Variants in HCLS1 observed in about 807,000 individuals in gnomAD.
HCLS1 encodes hematopoietic lineage cell-specific protein.
Under a neutral mutation model 68.6 loss-of-function variants are expected in HCLS1, and 44 were observed. That is an observed-to-expected ratio of 0.64 (90% CI 0.50 to 0.82). The LOEUF (loss-of-function observed/expected upper bound fraction) is 0.82. Ranked by LOEUF, HCLS1 falls within the 40% of genes least tolerant of loss-of-function variation. The pLI is 0.00. For synonymous variants in HCLS1, 217 were observed against 225.8 expected (o/e 0.96, Z 0.35); for missense variants, 602 against 612.1 (o/e 0.98, Z 0.17).
At chr3:121,637,888 A>T (rs1314587690) in intron 6 of HCLS1, among the ~76,000 whole-genome samples, 1 of 151,756 alleles carries the variant, frequency 6.6e-6, no homozygotes, top group Non-Finnish European at 1.5e-5. Context: ...GTGAGCCAAG[A>T]TTGCACCATT....
chr3:121,637,700 C>G (rs755455142), intron 6 of HCLS1, among the ~76,000 whole-genome samples: 6 of 152,062 alleles, frequency 3.9e-5, no homozygotes, highest in Non-Finnish European at 7.4e-5. Context: ...CTTCAGGGGC[C>G]GAGGCAGGTG....
In HCLS1 at chr3:121,632,334, G is replaced by A. The variant is rs2108855211; in HGVS notation, c.1238C>T (p.Ala413Val). 1.2e-6 allele frequency: 2 copies of A among 1,613,892 alleles called. No individual in the cohort carries two copies. The highest frequency in any genetic ancestry group is 1.7e-6 in the Non-Finnish European group (2 of 1,179,856). The part of the protein sequence containing the change: ...PEDSSFSSAL[A>V]GSSGCPAGAG... ...CTGCTTCTCCTCCCATCACTCACCAGCCAGAGCAGAAGAAAAAGAAGAATC... is the reference window on the plus strand; with the variant it reads ...CTGCTTCTCCTCCCATCACTCACCAACCAGAGCAGAAGAAAAAGAAGAATC... The change falls in exon 12 of 14, where the codon GCT (alanine) becomes GTT (valine). Residue 413 changes from alanine to valine, a missense_variant and splice_region_variant. By Grantham distance (64) the Ala-to-Val change is moderately conservative. Transcript: ENST00000314583.
At chr3:121,648,130 C>A (rs910103194) in intron 3 of HCLS1, among the ~76,000 whole-genome samples, 1 of 152,066 alleles carries the variant, frequency 6.6e-6, no homozygotes, top group African/African-American at 2.4e-5. Flanking sequence ...GCTTTTTGGT[C>A]ATGAATTAAG....
chr3:121,635,658 G>A, intron 9 of HCLS1, 77 bp downstream of exon 9: 1 of 1,120,966 alleles, frequency 8.9e-7, no homozygotes, highest in Non-Finnish European at 1.4e-6. Flanking sequence ...TAAAGGCATG[G>A]AGGATATAGT....
chr3:121,646,415 TA>T (rs200350490), intron 4 of HCLS1, among the ~76,000 whole-genome samples: 7,448 of 98,090 alleles, frequency 0.076, 505 homozygotes, highest in Admixed American at 0.25. Context: ...TACATAGTAA[TA>T]ATATGTAATA....
At position 121,642,092 on chromosome 3, in the gene HCLS1, A is replaced by C. The variant is rs529390721; in HGVS notation, c.454+835T>G. ...CAGACTCCGTCGCAAAAAAAAAAAA[A>C]AAAAAACTTGATCAATATTATAGAA... On this transcript the variant is annotated intron_variant, in intron 6 of 13. Transcript: ENST00000314583. 3.3e-3 allele frequency among the ~76,000 whole-genome samples: 499 copies of C among 151,018 alleles called. 4 individuals are homozygous for C. Among genetic ancestry groups the C allele is most frequent in the African/African-American group, 0.012 (479 of 41,148 alleles).
At chr3:121,632,250 C>A in intron 12 of HCLS1, 66 bp from the exon 13 acceptor site, 1 of 1,603,152 alleles carries the variant, frequency 6.2e-7, no homozygotes, top group East Asian at 2.2e-5. Flanking sequence ...AAAGATCCTA[C>A]TGGGGCAATA....
At chr3:121,647,037 A>G (rs973683806) in intron 4 of HCLS1, among the ~76,000 whole-genome samples, 2 of 146,188 alleles carry the variant, frequency 1.4e-5, no homozygotes, top group African/African-American at 5.1e-5. Context: ...GCTGGAGTGC[A>G]GTGGCATGAT....
Position 121,643,027 on chromosome 3 carries a change from G to A in HCLS1, c.400-46C>T, listed in dbSNP as rs370193754. The A allele has an allele frequency of 1.0e-4, 156 of 1,535,288 alleles. No homozygotes were observed. In the Middle Eastern group the frequency reaches 1.0e-3, roughly 10 times the overall value. On this transcript the variant is annotated intron_variant, in intron 5 of 13. Transcript: ENST00000314583. ...AATTGGTTAGAGTCAGAGCTGACAG[G>A]TTTTCCTCTTCCTAACCTCCCCTTA...
chr3:121,643,053 C>A (rs1012197447), intron 5 of HCLS1, 72 bp from the exon 6 acceptor site: 3 of 1,233,958 alleles, frequency 2.4e-6, no homozygotes, highest in African/African-American at 1.5e-5. Flanking sequence ...CCTCCCCTTA[C>A]TCCCAGCCAG....
chr3:121,643,182 T>C (rs973891821), intron 5 of HCLS1: 1 of 484,594 alleles, frequency 2.1e-6, no homozygotes, highest in African/African-American at 1.9e-5. Flanking sequence ...CAGACAGTTT[T>C]AGGTTCAAAC....
chr3:121,631,548 G>C lies in HCLS1; in HGVS notation c.*298C>G. 3.0e-6 allele frequency: 1 copy of C among 328,648 alleles called. No individual in the cohort carries two copies. Among genetic ancestry groups the C allele is most frequent in the Non-Finnish European group, 5.6e-6 (1 of 178,082 alleles). 20.4% of individuals were successfully genotyped at this position (328,648 alleles called of 1,614,324 possible). ...GTACTTTCCCGGGTAAACAAACTGG[G>C]AAGCCCAGAGCTCACAGAGGAGGAG... On this transcript the variant is annotated 3_prime_UTR_variant, in exon 14 of 14. Transcript: ENST00000314583.
chr3:121,635,274 T>TCTCTCC (rs2049140298), intron 9 of HCLS1, among the ~76,000 whole-genome samples: 1 of 112,894 alleles, frequency 8.9e-6, no homozygotes, highest in South Asian at 3.3e-4. Context: ...TCTCTCTCTC[T>TCTCTCC]CCTCTCTCTC....
At chr3:121,655,902 G>A (rs1937856012) in intron 3 of HCLS1, among the ~76,000 whole-genome samples, 1 of 151,552 alleles carries the variant, frequency 6.6e-6, no homozygotes, top group South Asian at 2.1e-4. Flanking sequence ...TGGCTGGAGT[G>A]CAGTGGTGCG....
At chr3:121,642,366 G>A (rs2049209595) in intron 6 of HCLS1, among the ~76,000 whole-genome samples, 1 of 152,018 alleles carries the variant, frequency 6.6e-6, no homozygotes, top group Non-Finnish European at 1.5e-5. Flanking sequence ...CTACTTGGGA[G>A]GCTGAGGCAG....
At chr3:121,641,486 C>T (rs911170634) in intron 6 of HCLS1, among the ~76,000 whole-genome samples, 6 of 151,994 alleles carry the variant, frequency 3.9e-5, no homozygotes, top group African/African-American at 1.4e-4. Flanking sequence ...AGGTAAATAC[C>T]TTGGTCAATT....
intron 3 of HCLS1, among the ~76,000 whole-genome samples, chr3:121,651,979 C>T (rs1013046052): frequency 6.6e-6 from 1 of 152,128 alleles, no homozygotes. Flanking sequence ...TCCAAATTGT[C>T]AATAATCCAA....
chr3:121,636,352 C>T (rs1234391849), intron 8 of HCLS1, 82 bp downstream of exon 8: 3 of 1,204,616 alleles, frequency 2.5e-6, no homozygotes, highest in Admixed American at 3.4e-5. Context: ...CCTCCCTCTC[C>T]CAGCCTTCTT....
intron 3 of HCLS1, among the ~76,000 whole-genome samples, chr3:121,651,992 G>T (rs1937761658): frequency 6.6e-6 from 1 of 152,046 alleles, no homozygotes; most frequent in Non-Finnish European, 1.5e-5. Context: ...TAATCCAAAT[G>T]GCTATTGACA....
Sources: allele counts gnomAD v4.1 joint callset (sites outside exome capture counted in the v4.1 genomes callset), GRCh38; gene constraint gnomAD v4.1.1; transcripts MANE v1.5; gene names NCBI Gene and HGNC (gene_info 2026-07-23, HGNC 2026-07-21).